The following IFT88 variants were observed in gnomAD, a reference collection of about 807,000 sequenced individuals.
IFT88 encodes the protein intraflagellar transport protein 88 homolog.
Under a neutral mutation model 119.5 loss-of-function variants are expected in IFT88, and 74 were observed. The ratio of observed to expected loss-of-function variants is 0.62; its 90% confidence interval spans 0.51 to 0.75. The LOEUF (loss-of-function observed/expected upper bound fraction) is 0.75. IFT88 is among the 30% of genes least tolerant of loss of function. IFT88 has a pLI of 0.00. For missense variants in IFT88, 961 were observed against 977.7 expected, an observed-to-expected ratio of 0.98 and a Z score of 0.23; for synonymous variants, 279 against 316.7, an observed-to-expected ratio of 0.88 and a Z score of 1.26.
chr13:20,586,075 G>T (rs1382709986), intron 3 of IFT88, among the ~76,000 whole-genome samples: 3 of 152,144 alleles, frequency 2.0e-5, no homozygotes, highest in Non-Finnish European at 2.9e-5. Context: ...TGATAATTTT[G>T]CCAGGTGGGC....
chr13:20,582,872 C>G (rs1593783879), intron 2 of IFT88, 85 bp from the exon 3 acceptor site: 3 of 1,007,646 alleles, frequency 3.0e-6, no homozygotes, highest in East Asian at 2.4e-5. Context: ...TATAGAGGCT[C>G]TTGAGTACCA....
At chr13:20,621,745 T>C (rs1319928308) in intron 14 of IFT88, among the ~76,000 whole-genome samples, 1 of 152,116 alleles carries the variant, frequency 6.6e-6, no homozygotes, top group African/African-American at 2.4e-5. Context: ...ATTCACATAG[T>C]ATTACCATGT....
At chr13:20,628,668 A>G (rs939524242) in intron 15 of IFT88, among the ~76,000 whole-genome samples, 1 of 152,206 alleles carries the variant, frequency 6.6e-6, no homozygotes, top group African/African-American at 2.4e-5. Flanking sequence ...CTTTTATTAG[A>G]ATAATTATGT....
rs780590537 is a variant in IFT88, at chr13:20,591,605, A to G, written c.265-13A>G. 1.2e-6 allele frequency: 2 copies of G among 1,602,708 alleles called. No homozygotes were observed. Among genetic ancestry groups the G allele is most frequent in the Non-Finnish European group, 1.7e-6 (2 of 1,170,468 alleles). ...TCTTATTTAAGAATAAATGATTCCC[A>G]TTCTCTTTAAAGGATGGAGTTACTA... On this transcript the variant is annotated splice_polypyrimidine_tract_variant and intron_variant, in intron 5 of 25. Coordinates refer to ENST00000351808, the MANE Select transcript of IFT88 (RefSeq NM_006531.5).
chr13:20,662,708 G>A (rs1419424579), intron 22 of IFT88, among the ~76,000 whole-genome samples: 2 of 152,010 alleles, frequency 1.3e-5, no homozygotes, highest in African/African-American at 2.4e-5. Context: ...AAATGGCAAA[G>A]GCCATTCTTA....
intron 21 of IFT88, among the ~76,000 whole-genome samples, chr13:20,655,441 C>CA (rs71778307): frequency 0.024 from 3,084 of 128,216 alleles, 108 homozygotes; most frequent in African/African-American, 0.087. Context: ...GACTCCATCT[C>CA]AAAAAAAAAA....
intron 1 of IFT88, among the ~76,000 whole-genome samples, chr13:20,571,307 T>G (rs2036326086): frequency 6.6e-6 from 1 of 152,236 alleles, no homozygotes; most frequent in South Asian, 2.1e-4. Flanking sequence ...GCTGAAAATT[T>G]CTTAGGAATT....
At chr13:20,654,075 AACAC>A in intron 21 of IFT88, 147 bp downstream of exon 21, 3 of 428,972 alleles carry the variant, frequency 7.0e-6, no homozygotes, top group Non-Finnish European at 1.2e-5. Context: ...TTGTATGAAA[AACAC>A]AATAATTACT....
chr13:20,605,174 G>GTATCTTA, intron 13 of IFT88, 69 bp downstream of exon 13: 1 of 598,978 alleles, frequency 1.7e-6, no homozygotes, highest in Non-Finnish European at 2.8e-6. Flanking sequence ...TTAGTATTAA[G>GTATCTTA]ATACTTAATA....
intron 16 of IFT88, among the ~76,000 whole-genome samples, chr13:20,632,495 C>G (rs2048353772): frequency 6.6e-6 from 1 of 152,190 alleles, no homozygotes; most frequent in Admixed American, 6.5e-5. Flanking sequence ...TTTCCAGCGT[C>G]TTGGGTTTTG....
chr13:20,628,552 T>G (rs1033123051), intron 15 of IFT88, among the ~76,000 whole-genome samples: 10 of 152,236 alleles, frequency 6.6e-5, no homozygotes, highest in Non-Finnish European at 1.0e-4. Context: ...TACAATATTT[T>G]ACTTTTAAAA....
intron 22 of IFT88, among the ~76,000 whole-genome samples, chr13:20,659,337 T>C (rs2053408630): frequency 6.6e-6 from 1 of 152,012 alleles, no homozygotes; most frequent in African/African-American, 2.4e-5. Flanking sequence ...CTTCTAAATA[T>C]GAAAAAAATA....
chr13:20,584,750 C>CTATGTCTAA lies in IFT88; in HGVS notation c.153+1735_153+1743dup, dbSNP rs777595709. 2.6e-4 allele frequency among the ~76,000 whole-genome samples: 40 copies of CTATGTCTAA among 152,300 alleles called. 1 individual carries two copies. The highest frequency in any genetic ancestry group is 5.0e-4 in the Non-Finnish European group (34 of 68,016). ...TAGAGAAAGTTCTATCCCTAATGTT[C>CTATGTCTAA]TATGTCTAATATTCCTTTTTGGAAT... is the stretch of plus-strand genomic sequence containing the variant. On this transcript the variant is annotated intron_variant, in intron 3 of 25. Coordinates refer to ENST00000351808, the MANE Select transcript of IFT88 (RefSeq NM_006531.5).
chr13:20,650,121 T>C (rs1223163246), intron 20 of IFT88, among the ~76,000 whole-genome samples: 1 of 152,016 alleles, frequency 6.6e-6, no homozygotes, highest in East Asian at 1.9e-4. Context: ...ACTTCCTAAC[T>C]CAGTCAGTGA....
intron 20 of IFT88, among the ~76,000 whole-genome samples, chr13:20,653,626 G>A (rs1490849690): frequency 6.6e-6 from 1 of 152,176 alleles, no homozygotes. Flanking sequence ...AACAGGTTAA[G>A]TGGTTCTCAT....
At chr13:20,624,517 G>A (rs2047007933) in intron 14 of IFT88, among the ~76,000 whole-genome samples, 1 of 152,182 alleles carries the variant, frequency 6.6e-6, no homozygotes, top group African/African-American at 2.4e-5. Flanking sequence ...GCCTGCACTT[G>A]AGGCCTAACA....
intron 14 of IFT88, among the ~76,000 whole-genome samples, chr13:20,621,845 T>G (rs945957330): frequency 2.6e-5 from 4 of 152,186 alleles, no homozygotes; most frequent in African/African-American, 9.7e-5. Flanking sequence ...ATTGTAGTAT[T>G]GTATAGAATA....
chr13:20,567,794 G>T (rs1192945531), intron 1 of IFT88: 1 of 1,340,834 alleles, frequency 7.5e-7, no homozygotes, highest in Non-Finnish European at 9.7e-7. Context: ...AAGTACTGTT[G>T]TCCCAAGATT....
intron 24 of IFT88, among the ~76,000 whole-genome samples, chr13:20,671,704 A>G (rs2055887034): frequency 6.6e-6 from 1 of 152,222 alleles, no homozygotes; most frequent in South Asian, 2.1e-4. Flanking sequence ...AGTGTAAGTT[A>G]AACTTAGTAC....
Sources: gnomAD v4.1 joint callset for allele counts (sites outside exome capture counted in the v4.1 genomes callset) on GRCh38, gnomAD v4.1.1 for gene constraint, MANE v1.5 for transcripts, NCBI Gene and HGNC (gene_info 2026-07-23, HGNC 2026-07-21) for gene names.